Variants in PLXNC1 observed in about 807,000 individuals in gnomAD.
PLXNC1 encodes plexin C1, also known as plexin-C1.
Under a neutral mutation model 178.2 loss-of-function variants are expected in PLXNC1, and 75 were observed. The ratio of observed to expected loss-of-function variants is 0.42; its 90% CI spans 0.35 to 0.51. The LOEUF is 0.51. Ranked by LOEUF, PLXNC1 falls within the 20% of genes least tolerant of loss-of-function variation. The pLI is 0.02. For synonymous variants in PLXNC1, 790 were observed against 779.9 expected (o/e 1.01, Z -0.22); for missense variants, 1,503 against 1,984.4 (o/e 0.76, Z 4.61).
chr12:94,231,657 T>C (rs114244549), intron 9 of PLXNC1, among the ~76,000 whole-genome samples: 1,873 of 152,152 alleles, frequency 0.012, 34 homozygotes, highest in African/African-American at 0.041. Context: ...GGGGGCTGAG[T>C]TACAGAAAAG....
At chr12:94,261,072 A>G (rs1592822893) in intron 20 of PLXNC1, among the ~76,000 whole-genome samples, 1 of 152,250 alleles carries the variant, frequency 6.6e-6, no homozygotes, top group African/African-American at 2.4e-5. Context: ...GAGACTTTTC[A>G]GGTGAGTTTA....
At chr12:94,237,869 C>T in intron 10 of PLXNC1, 66 bp downstream of exon 10, 2 of 1,532,550 alleles carry the variant, frequency 1.3e-6, no homozygotes, top group Non-Finnish European at 1.8e-6. Flanking sequence ...AAAGGAATAT[C>T]AGTGTGATTA....
intron 14 of PLXNC1, among the ~76,000 whole-genome samples, chr12:94,249,053 GATCT>G: frequency 6.6e-6 from 1 of 152,068 alleles, no homozygotes; most frequent in East Asian, 1.9e-4. Context: ...AATTCTTCTT[GATCT>G]ATCATCATAA....
Position 94,259,642 on chromosome 12 carries a change from C to T in PLXNC1, c.3159C>T (p.Leu1053=). 8 of 1,610,312 alleles carry T rather than the reference C, an allele frequency of 5.0e-6. No individual in the cohort carries two copies. Among genetic ancestry groups the T allele is most frequent in the Non-Finnish European group, 5.9e-6 (7 of 1,177,560 alleles). ...NRDANDKNES[L]TALDALICNK... is the part of the protein sequence containing the mutation. ...ACGCCAACGACAAGAATGAAAGTCTCACAGCTTTGGATGCCCTAATCTGTA... is the reference window on the plus strand; with the variant it reads ...ACGCCAACGACAAGAATGAAAGTCTTACAGCTTTGGATGCCCTAATCTGTA... The change falls in exon 19 of 31, where the codon CTC becomes CTT. Residue 1053 remains leucine (L), a synonymous_variant. Transcript: ENST00000258526.
chr12:94,245,047 G>A (rs1383712448), intron 12 of PLXNC1, among the ~76,000 whole-genome samples: 1 of 152,208 alleles, frequency 6.6e-6, no homozygotes, highest in Non-Finnish European at 1.5e-5. Flanking sequence ...CCAAATTCCG[G>A]GGGCCGCCTG....
Position 94,304,029 on chromosome 12 carries a change from A to G in PLXNC1, c.4580A>G (p.Tyr1527Cys). ...EEVALTEIYK[Y>C]IVKYFDEILN... ...GTGGCCTTGACAGAAATTTACAAAT[A>G]CATCGTAAAATATTTTGATGAGGTA... is the stretch of plus-strand genomic sequence containing the variant. The change falls in exon 30 of 31, where the codon TAC (tyrosine) becomes TGC (cysteine). Residue 1527 changes from tyrosine (Y) to cysteine (C), a missense_variant. By Grantham distance (194) the Tyr-to-Cys change is radical. Transcript: ENST00000258526. The G allele has an allele frequency of 6.4e-7, 1 of 1,566,450 alleles. No individual in the cohort carries two copies. The highest frequency in any genetic ancestry group is 8.8e-7 in the Non-Finnish European group (1 of 1,138,146).
intron 1 of PLXNC1, among the ~76,000 whole-genome samples, chr12:94,154,506 C>T (rs1961085793): frequency 6.6e-6 from 1 of 152,144 alleles, no homozygotes; most frequent in Non-Finnish European, 1.5e-5. Context: ...ATGGGATTCC[C>T]CACTTATAAA....
At chr12:94,174,329 C>T (rs911511462) in intron 2 of PLXNC1, among the ~76,000 whole-genome samples, 71 of 152,048 alleles carry the variant, frequency 4.7e-4, no homozygotes, top group African/African-American at 1.6e-3. Context: ...GGACTACAGA[C>T]CTGTGCCCCC....
intron 4 of PLXNC1, among the ~76,000 whole-genome samples, chr12:94,195,969 T>C (rs1962899085): frequency 6.6e-6 from 1 of 152,136 alleles, no homozygotes. Flanking sequence ...TTTTTTATCT[T>C]GCTCTCCTGT....
chr12:94,245,347 A>C (rs1332781993), intron 12 of PLXNC1, among the ~76,000 whole-genome samples: 1 of 152,234 alleles, frequency 6.6e-6, no homozygotes, highest in Non-Finnish European at 1.5e-5. Context: ...TGAGATAGTC[A>C]TATTGCCTTC....
intron 1 of PLXNC1, among the ~76,000 whole-genome samples, chr12:94,152,317 C>T (rs1382114597): frequency 6.6e-6 from 1 of 152,144 alleles, no homozygotes; most frequent in Non-Finnish European, 1.5e-5. Flanking sequence ...AATTTTCTAA[C>T]CTATTAAATA....
chr12:94,150,104 C>G (rs977219320), intron 1 of PLXNC1, 71 bp downstream of exon 1: 3 of 1,279,376 alleles, frequency 2.3e-6, no homozygotes, highest in South Asian at 1.5e-5. Flanking sequence ...CGAGGCAGAA[C>G]GAGCTGGGGG....
chr12:94,159,842 G>A (rs911802832), intron 1 of PLXNC1, among the ~76,000 whole-genome samples: 2 of 152,220 alleles, frequency 1.3e-5, no homozygotes, highest in African/African-American at 4.8e-5. Context: ...CCTTGGCCAC[G>A]AGCAGTGGTG....
In PLXNC1 at chr12:94,243,934, G is replaced by T. The variant is rs759452958; in HGVS notation, c.2301-4G>T. 2 of 1,531,402 alleles carry T rather than the reference G, an allele frequency of 1.3e-6. No individual in the cohort carries two copies. Among genetic ancestry groups the T allele is most frequent in the South Asian group, 2.3e-5 (2 of 87,418 alleles). 94.9% of individuals were successfully genotyped at this position (1,531,402 alleles called of 1,614,324 possible). On this transcript the variant is annotated splice_polypyrimidine_tract_variant and splice_region_variant and intron_variant, in intron 11 of 30. Transcript: ENST00000258526. ...ACCCTTATTGTTGCTTTTATTCCTT[G>T]CAGTGGTGGTCAAAATATAACCATG...
At chr12:94,201,291 T>C (rs576915508) in intron 4 of PLXNC1, among the ~76,000 whole-genome samples, 2 of 152,372 alleles carry the variant, frequency 1.3e-5, no homozygotes, top group South Asian at 4.1e-4. Context: ...AAAAGGCATG[T>C]TGGGCATTGA....
chr12:94,293,415 G>A (rs1196197532), intron 23 of PLXNC1, among the ~76,000 whole-genome samples: 1 of 152,194 alleles, frequency 6.6e-6, no homozygotes, highest in Admixed American at 6.5e-5. Flanking sequence ...TAGTGTCATA[G>A]TCAGTTCGGG....
intron 12 of PLXNC1, among the ~76,000 whole-genome samples, chr12:94,246,470 G>A (rs995916079): frequency 7.2e-5 from 11 of 152,328 alleles, no homozygotes; most frequent in Non-Finnish European, 1.2e-4. Context: ...GAAGAAAAGA[G>A]CACCTAGGAC....
chr12:94,259,641 T>G lies in PLXNC1; in HGVS notation c.3158T>G (p.Leu1053Arg). ...GACGCCAACGACAAGAATGAAAGTC[T>G]CACAGCTTTGGATGCCCTAATCTGT... Reference protein sequence around the residue: ...NRDANDKNESLTALDALICNK... With the variant: ...NRDANDKNESRTALDALICNK... Residue 1053 changes from leucine to arginine, a missense_variant, in exon 19 of 31, where the codon CTC becomes CGC. Around this residue, in one of 4 missense-constraint regions of PLXNC1, gnomAD observed 639 missense variants for 979.7 expected, o/e 0.65. Transcript: ENST00000258526. 2 of 1,611,012 alleles carry G rather than the reference T, an allele frequency of 1.2e-6. No homozygotes were observed. The highest frequency in any genetic ancestry group is 2.2e-5 in the South Asian group (2 of 90,676).
chr12:94,222,946 C>T (rs539775974), intron 6 of PLXNC1, among the ~76,000 whole-genome samples: 5 of 152,252 alleles, frequency 3.3e-5, no homozygotes, highest in South Asian at 2.1e-4. Flanking sequence ...GTACGTGAAC[C>T]GAATTTTATG....
Sources: allele counts gnomAD v4.1 joint callset (sites outside exome capture counted in the v4.1 genomes callset), GRCh38; gene constraint gnomAD v4.1.1; regional missense constraint gnomAD v4.1.1; transcripts MANE v1.5; gene names NCBI Gene and HGNC (gene_info 2026-07-23, HGNC 2026-07-21).